The following MMUT variants were observed in gnomAD, a reference collection of about 807,000 sequenced individuals.
The protein encoded by MMUT is methylmalonyl-CoA mutase, also known as methylmalonyl-CoA mutase, mitochondrial.
Under a neutral mutation model 79.9 loss-of-function variants are expected in MMUT, and 79 were observed. That is an observed-to-expected ratio of 0.99 (90% CI 0.82 to 1.19). MMUT has a LOEUF of 1.19. Among genes scored for constraint, MMUT ranks in the 50% most tolerant of loss-of-function variants. The probability of loss-of-function intolerance (pLI) is 0.00; values close to 1 mark genes in which losing one functional copy is unlikely to be tolerated. For missense variants in MMUT, 860 were observed against 917.2 expected, an observed-to-expected ratio of 0.94 and a Z score of 0.81; for synonymous variants, 273 against 295.7, an observed-to-expected ratio of 0.92 and a Z score of 0.79.
chr6:49,438,190 C>T (rs572019834), intron 11 of MMUT, among the ~76,000 whole-genome samples: 2 of 152,170 alleles, frequency 1.3e-5, no homozygotes, highest in African/African-American at 4.8e-5. Flanking sequence ...GAAGGCTTTT[C>T]ATATAAAATT....
At position 49,453,535 on chromosome 6, in the gene MMUT, T is replaced by A. The variant is rs192976390; in HGVS notation, c.1083+50A>T. ...CTTGTGCCACATTGCTCAGAAAAAA[T>A]ATATATATATAACTTTATTAAAATT... On this transcript the variant is annotated intron_variant, in intron 5 of 12. Coordinates refer to ENST00000274813, the MANE Select transcript of MMUT (RefSeq NM_000255.4). 2.0e-3 allele frequency: 1,835 copies of A among 940,630 alleles called. 19 individuals carry two copies. The highest frequency in any genetic ancestry group is 0.018 in the African/African-American group (1,054 of 57,312). The allele number at this position is 940,630 out of a possible 1,614,324, so 58.3% of individuals were successfully genotyped here.
At chr6:49,456,953 A>G (rs1443026713) in intron 3 of MMUT, among the ~76,000 whole-genome samples, 1 of 152,238 alleles carries the variant, frequency 6.6e-6, no homozygotes. Context: ...CACAGCCAAG[A>G]AAAACTATCT....
In MMUT at chr6:49,441,784, G is replaced by A. The variant is rs111673772; in HGVS notation, c.1808+56C>T. ...GAAATTAAGCTCCCAGTAGATTCAAGGGGATTGTGCTAACAGAAAAGATGA... is the reference window on the plus strand; with the variant it reads ...GAAATTAAGCTCCCAGTAGATTCAAAGGGATTGTGCTAACAGAAAAGATGA... On this transcript the variant is annotated intron_variant, in intron 10 of 12. Coordinates refer to ENST00000274813, the MANE Select transcript of MMUT (RefSeq NM_000255.4). 152 of 1,565,836 alleles carry A rather than the reference G, an allele frequency of 9.7e-5. No homozygotes were observed. The African/African-American group carries it at 1.7e-3, about 18-fold the overall frequency.
In MMUT at chr6:49,431,783, A is replaced by ATT. The variant is rs758811462; in HGVS notation, c.2197_2198insAA (p.Val733GlufsTer26). 5.0e-6 allele frequency: 8 copies of ATT among 1,613,954 alleles called. No individual in the cohort carries two copies. The highest frequency in any genetic ancestry group is 5.9e-6 in the Non-Finnish European group (7 of 1,179,948). On this transcript the variant is annotated frameshift_variant, in exon 13 of 13. Transcript: ENST00000274813. LOFTEE classifies it high-confidence loss of function. ...CTTCTCAATATCATCAAGCACCTGA[A>ATT]CGGCAGCCTTTGGAATTCGAGTCCC... is the stretch of plus-strand genomic sequence containing the variant.
chr6:49,449,066 T>G (rs1332612506), intron 6 of MMUT, 139 bp from the exon 7 acceptor site: 1 of 502,188 alleles, frequency 2.0e-6, no homozygotes, highest in Non-Finnish European at 3.4e-6. Flanking sequence ...AAGAACAGAA[T>G]TAAATAAACA....
At chr6:49,458,100 G>T in intron 2 of MMUT, 42 bp from the exon 3 acceptor site, 1 of 1,585,200 alleles carries the variant, frequency 6.3e-7, no homozygotes, top group South Asian at 1.1e-5. Context: ...CAAGAGTCTG[G>T]AATCAAGGTA....
At chr6:49,447,886 G>A (rs1767451472) in intron 7 of MMUT, 101 bp from the exon 8 acceptor site, 1 of 721,268 alleles carries the variant, frequency 1.4e-6, no homozygotes, top group Admixed American at 2.3e-5. Flanking sequence ...TCTTTAAGTA[G>A]TATTCTTAAT....
In MMUT at chr6:49,453,774, G is replaced by C. The variant is rs1286760473; in HGVS notation, c.912-18C>G. On this transcript the variant is annotated intron_variant, in intron 4 of 12. Coordinates refer to ENST00000274813, the MANE Select transcript of MMUT (RefSeq NM_000255.4). ...AAGACAACCTAAAATAGTAACGTTA[G>C]GTCCAGAATTTAATTAAAGTTAACA... is the stretch of plus-strand genomic sequence containing the variant. The C allele has an allele frequency of 1.9e-6, 3 of 1,600,638 alleles. No individual in the cohort carries two copies. The African/African-American group carries it at 4.0e-5, about 21-fold the overall frequency.
rs1410409444 is a variant in MMUT at position 49,451,565 on chromosome 6, G to A, written c.1233C>T (p.Ile411=). ...SARIARNTQI[I]IQEESGIPKV... Reference sequence around the variant, plus strand: ...TGGGAATCCCAGATTCTTCTTGAATGATGATTTGTGTGTTCCTGGCAATTC... The same window carrying A: ...TGGGAATCCCAGATTCTTCTTGAATAATGATTTGTGTGTTCCTGGCAATTC... Residue 411 remains isoleucine (I), a synonymous_variant, in exon 6 of 13, where the codon ATC becomes ATT. Coordinates refer to ENST00000274813, the MANE Select transcript of MMUT (RefSeq NM_000255.4). 1.9e-6 allele frequency: 3 copies of A among 1,614,012 alleles called. No homozygotes were observed. Among genetic ancestry groups the A allele is most frequent in the Admixed American group, 3.3e-5 (2 of 59,996 alleles).
chr6:49,431,677 G>T lies in MMUT; in HGVS notation c.*51C>A. ...AAGACATAGCTTTACTCTCTTCTTTGATCATAACTAAAATAATATTTTAGA... is the reference window on the plus strand; with the variant it reads ...AAGACATAGCTTTACTCTCTTCTTTTATCATAACTAAAATAATATTTTAGA... On this transcript the variant is annotated 3_prime_UTR_variant, in exon 13 of 13. Transcript: ENST00000274813. 6.4e-7 allele frequency: 1 copy of T among 1,566,090 alleles called. No individual in the cohort carries two copies. The highest frequency in any genetic ancestry group is 8.8e-7 in the Non-Finnish European group (1 of 1,138,980).
chr6:49,457,081 G>T (rs557203159), intron 3 of MMUT, among the ~76,000 whole-genome samples: 3 of 152,332 alleles, frequency 2.0e-5, no homozygotes, highest in Non-Finnish European at 2.9e-5. Flanking sequence ...TTTTCTCTGT[G>T]CCATGAAATA....
At chr6:49,450,170 G>T (rs549558285) in intron 6 of MMUT, among the ~76,000 whole-genome samples, 2 of 150,958 alleles carry the variant, frequency 1.3e-5, no homozygotes, top group African/African-American at 2.4e-5. Flanking sequence ...GTCAAAAGTT[G>T]CAGTAAGCCG....
Position 49,444,709 on chromosome 6 carries a change from C to A in MMUT, c.1606G>T (p.Ala536Ser). The change falls in exon 9 of 13, where the codon GCA becomes TCA. Residue 536 changes from alanine (A) to serine (S), a missense_variant. By Grantham distance (99) the Ala-to-Ser change is moderately conservative (BLOSUM62 1). Coordinates refer to ENST00000274813, the MANE Select transcript of MMUT (RefSeq NM_000255.4). The stretch of plus-strand genomic sequence containing the variant: ...CCGCTAGCAGCACATTCGGTTAGTG[C>A]AGCAAGACAACGTTCAGCCAAAGCT... ...DQALAERCLAALTECAASGDG... is the reference protein window; with the variant it reads ...DQALAERCLASLTECAASGDG... The A allele has an allele frequency of 1.2e-6, 2 of 1,613,454 alleles. No individual in the cohort carries two copies. Among genetic ancestry groups the A allele is most frequent in the South Asian group, 1.1e-5 (1 of 91,074 alleles).
Position 49,459,468 on chromosome 6 carries a change from G to C in MMUT, c.-2C>G, listed in dbSNP as rs766544510. 1.9e-6 allele frequency: 3 copies of C among 1,609,800 alleles called. No individual in the cohort carries two copies. In the Admixed American group the frequency reaches 5.0e-5, roughly 27 times the overall value. The stretch of plus-strand genomic sequence containing the variant: ...AAGCTGATTCTTAGCTCTTAACATG[G>C]TGGAGCATGGAAACACCCAATAGAA... On this transcript the variant is annotated 5_prime_UTR_variant, in exon 2 of 13. Transcript: ENST00000274813.
rs1767370120 is a variant in MMUT, at chr6:49,444,755, C to T, written c.1561-1G>A. On this transcript the variant is annotated splice_acceptor_variant, in intron 8 of 12. Transcript: ENST00000274813. LOFTEE classifies it high-confidence loss of function. ...AAGCTTGATCCCTGCTGGATTTGAT[C>T]TATGGAAAAAGTCAAGGAAAGGGAC... 6.2e-7 allele frequency: 1 copy of T among 1,609,948 alleles called. No individual in the cohort carries two copies. The highest frequency in any genetic ancestry group is 8.5e-7 in the Non-Finnish European group (1 of 1,176,650).
intron 5 of MMUT, 126 bp from the exon 6 acceptor site, chr6:49,451,840 G>A: frequency 6.5e-6 from 7 of 1,076,816 alleles, no homozygotes; most frequent in Non-Finnish European, 9.4e-6. Flanking sequence ...TTAAGCTTCA[G>A]AATAGCAAAT....
At position 49,459,412 on chromosome 6, in the gene MMUT, C is replaced by G; in HGVS notation, c.55G>C (p.Val19Leu). 6.2e-7 allele frequency: 1 copy of G among 1,613,420 alleles called. No individual in the cohort carries two copies. Among genetic ancestry groups the G allele is most frequent in the Non-Finnish European group, 8.5e-7 (1 of 1,179,872 alleles). The stretch of plus-strand genomic sequence containing the variant: ...AGCCTGGAGCCTGATGATTCTTTTA[C>G]CTGCCTCAGGTAATGAGGTGAAAGT... ...FLLSPHYLRQ[V>L]KESSGSRLIQ... is the part of the protein sequence containing the mutation. Residue 19 changes from valine (V) to leucine (L), a missense_variant, in exon 2 of 13, where the codon GTA becomes CTA. Physicochemically the swap from Val to Leu is conservative, Grantham distance 32 (BLOSUM62 1). Transcript: ENST00000274813.
chr6:49,455,037 T>C (rs905081120), intron 4 of MMUT, among the ~76,000 whole-genome samples: 1 of 151,996 alleles, frequency 6.6e-6, no homozygotes, highest in Admixed American at 6.6e-5. Context: ...CAGAGCAAGA[T>C]CCTATCTCAA....
chr6:49,463,198 C>G lies in MMUT; in HGVS notation c.-135G>C, dbSNP rs778890521. ...AGACATCCACACAGCCAGGCCTCCC[C>G]GCCCTCACCAAGCCCACACAAACCG... On this transcript the variant is annotated 5_prime_UTR_variant, in exon 1 of 13. Coordinates refer to ENST00000274813, the MANE Select transcript of MMUT (RefSeq NM_000255.4). 2 of 152,472 alleles carry G rather than the reference C, an allele frequency of 1.3e-5. No homozygotes were observed. The highest frequency in any genetic ancestry group is 4.8e-5 in the African/African-American group (2 of 41,434). The allele number at this position is 152,472 out of a possible 1,614,324, so 9.4% of individuals were successfully genotyped here.
Sources: allele counts gnomAD v4.1 joint callset (sites outside exome capture counted in the v4.1 genomes callset), GRCh38; gene constraint gnomAD v4.1.1; transcripts MANE v1.5; gene names NCBI Gene and HGNC (gene_info 2026-07-23, HGNC 2026-07-21).